CADM2: variants seen among roughly 807,000 people sequenced by gnomAD.
CADM2 encodes cell adhesion molecule 2.
CADM2 carries 12 observed loss-of-function variants against 49.8 expected under a neutral mutation model. The ratio of observed to expected loss-of-function variants is 0.24; its 90% confidence interval spans 0.15 to 0.39. The LOEUF is 0.39. CADM2 is among the 10% of genes least tolerant of loss of function. The pLI is 1.00. For synonymous variants in CADM2, 214 were observed against 175.4 expected (o/e 1.22, Z -1.74); for missense variants, 378 against 492.3 (o/e 0.77, Z 2.20).
chr3:85,319,715 C>A (rs2044553939), intron 1 of CADM2, among the ~76,000 whole-genome samples: 1 of 152,118 alleles, frequency 6.6e-6, no homozygotes, highest in South Asian at 2.1e-4. Flanking sequence ...ACCATATGTT[C>A]TCACAACAAG....
Position 84,973,087 on chromosome 3 carries a change from A to G in CADM2, c.61+13419A>G, listed in dbSNP as rs546837569. Among the ~76,000 whole-genome samples, 435 of 152,042 alleles carry G rather than the reference A, an allele frequency of 2.9e-3. 1 individual carries two copies. Among genetic ancestry groups the G allele is most frequent in the Non-Finnish European group, 4.9e-3 (336 of 67,968 alleles). On this transcript the variant is annotated intron_variant, in intron 1 of 9. Coordinates refer to ENST00000383699, the MANE Select transcript of CADM2 (RefSeq NM_001167675.2). ...TGCCACCACGCCGGCTAAATTTTCT[A>G]TTTTTAGTAGAGACAGCATTTCTTC...
chr3:85,809,232 T>G (rs777359008), intron 3 of CADM2, among the ~76,000 whole-genome samples: 1 of 152,202 alleles, frequency 6.6e-6, no homozygotes, highest in Non-Finnish European at 1.5e-5. Context: ...CTATTTTATA[T>G]GTAAAGACAC....
intron 1 of CADM2, among the ~76,000 whole-genome samples, chr3:85,340,166 T>G (rs1321426127): frequency 6.6e-6 from 1 of 151,550 alleles, no homozygotes; most frequent in African/African-American, 2.4e-5. Context: ...ACCTTAGCAT[T>G]GCATACTTAA....
chr3:85,274,826 T>C (rs1386179977), intron 1 of CADM2, among the ~76,000 whole-genome samples: 1 of 151,402 alleles, frequency 6.6e-6, no homozygotes, highest in African/African-American at 2.4e-5. Context: ...GCCCTACAGT[T>C]GCAAAAATGC....
intron 1 of CADM2, among the ~76,000 whole-genome samples, chr3:85,128,309 C>A (rs976656066): frequency 6.6e-6 from 1 of 152,040 alleles, no homozygotes; most frequent in Non-Finnish European, 1.5e-5. Flanking sequence ...CCTTCCTTGA[C>A]CTTGCAATCA....
chr3:85,742,247 G>A (rs991564313), intron 2 of CADM2, among the ~76,000 whole-genome samples: 19 of 152,152 alleles, frequency 1.2e-4, no homozygotes, highest in African/African-American at 4.6e-4. Flanking sequence ...GCAGGCATTG[G>A]CCTGAGAGGT....
intron 1 of CADM2, among the ~76,000 whole-genome samples, chr3:85,553,385 A>T (rs938351245): frequency 3.3e-5 from 5 of 152,220 alleles, no homozygotes; most frequent in Non-Finnish European, 5.9e-5. Context: ...AACTTTCCCA[A>T]TGATACATAA....
At chr3:85,459,321 C>A (rs1324710439) in intron 1 of CADM2, among the ~76,000 whole-genome samples, 1 of 152,106 alleles carries the variant, frequency 6.6e-6, no homozygotes, top group Non-Finnish European at 1.5e-5. Context: ...TGACAGGAAG[C>A]AAAATGTCCT....
At chr3:85,742,431 A>G (rs1418868367) in intron 2 of CADM2, among the ~76,000 whole-genome samples, 4 of 152,196 alleles carry the variant, frequency 2.6e-5, no homozygotes, top group African/African-American at 9.7e-5. Flanking sequence ...CTGTCTCTCC[A>G]TTATGTCTCT....
intron 1 of CADM2, among the ~76,000 whole-genome samples, chr3:85,220,533 A>G (rs1272629163): frequency 6.6e-6 from 1 of 152,176 alleles, no homozygotes; most frequent in African/African-American, 2.4e-5. Flanking sequence ...CTAGTTGAAC[A>G]TCTAGGGCTT....
chr3:85,058,117 C>G (rs1048287358), intron 1 of CADM2, among the ~76,000 whole-genome samples: 1 of 152,114 alleles, frequency 6.6e-6, no homozygotes, highest in Admixed American at 6.5e-5. Context: ...TGCACTAATG[C>G]ACATGTATGT....
At chr3:85,296,740 C>T (rs1479785196) in intron 1 of CADM2, among the ~76,000 whole-genome samples, 2 of 151,970 alleles carry the variant, frequency 1.3e-5, no homozygotes, top group African/African-American at 4.8e-5. Flanking sequence ...TAAGGGAGTG[C>T]TCTTTAAAAA....
At chr3:85,891,060 A>G (rs1577579746) in intron 5 of CADM2, among the ~76,000 whole-genome samples, 1 of 152,184 alleles carries the variant, frequency 6.6e-6, no homozygotes, top group Non-Finnish European at 1.5e-5. Flanking sequence ...TGAAACAATC[A>G]TAATTTCATC....
intron 1 of CADM2, among the ~76,000 whole-genome samples, chr3:85,487,395 G>C (rs1452485226): frequency 6.6e-6 from 1 of 152,154 alleles, no homozygotes; most frequent in Non-Finnish European, 1.5e-5. Flanking sequence ...ACATGGTGGT[G>C]TGTCGTGTGC....
At chr3:85,864,136 T>C (rs752135220) in intron 3 of CADM2, among the ~76,000 whole-genome samples, 16 of 152,324 alleles carry the variant, frequency 1.1e-4, no homozygotes, top group Middle Eastern at 3.4e-3. Context: ...TTCTTCCAAG[T>C]TTTATAAGAG....
intron 1 of CADM2, among the ~76,000 whole-genome samples, chr3:85,596,190 ACTGTCAATGTT>A (rs1377163675): frequency 5.3e-5 from 8 of 151,170 alleles, no homozygotes; most frequent in Non-Finnish European, 1.2e-4. Flanking sequence ...TTATTTTTTG[ACTGTCAATGTT>A]CAATTAAGAG....
chr3:85,428,571 A>G (rs980691610), intron 1 of CADM2, among the ~76,000 whole-genome samples: 3 of 146,248 alleles, frequency 2.1e-5, no homozygotes, highest in African/African-American at 7.4e-5. Context: ...TATATGATAT[A>G]TACATTATAC....
chr3:85,509,509 T>A (rs560086194), intron 1 of CADM2, among the ~76,000 whole-genome samples: 1 of 152,268 alleles, frequency 6.6e-6, no homozygotes, highest in Non-Finnish European at 1.5e-5. Context: ...CACAATTAAA[T>A]GACATGTTTA....
At chr3:86,010,941 C>T (rs1393179898) in intron 8 of CADM2, among the ~76,000 whole-genome samples, 1 of 151,646 alleles carries the variant, frequency 6.6e-6, no homozygotes, top group African/African-American at 2.4e-5. Context: ...AATAAATACA[C>T]TTCTCTAAAA....
Sources: allele counts gnomAD v4.1 joint callset (sites outside exome capture counted in the v4.1 genomes callset), GRCh38; gene constraint gnomAD v4.1.1; transcripts MANE v1.5; gene names NCBI Gene and HGNC (gene_info 2026-07-23, HGNC 2026-07-21).